Variants in SPATA6 observed in about 807,000 individuals in gnomAD.
SPATA6 encodes spermatogenesis-associated protein 6.
In SPATA6, 56 loss-of-function variants were observed where a neutral mutation model predicts 65.3. The observed-to-expected ratio is 0.86, with a 90% CI of 0.69 to 1.07. The LOEUF (loss-of-function observed/expected upper bound fraction) is 1.07. SPATA6 is among the 50% of genes least tolerant of loss of function. SPATA6 has a pLI of 0.00. For synonymous variants in SPATA6, 199 were observed against 213.2 expected (o/e 0.93, Z 0.58); for missense variants, 590 against 594.8 (o/e 0.99, Z 0.08).
At chr1:48,453,822 G>A in intron 1 of SPATA6, among the ~76,000 whole-genome samples, 1 of 150,652 alleles carries the variant, frequency 6.6e-6, no homozygotes. Context: ...TGGAGAAAAA[G>A]TAGAAAAGAA....
chr1:48,388,270 CTGCA>C (rs1649696531), intron 8 of SPATA6, among the ~76,000 whole-genome samples: 1 of 152,112 alleles, frequency 6.6e-6, no homozygotes, highest in African/African-American at 2.4e-5. Flanking sequence ...GACTACACCA[CTGCA>C]TGCACCCAGA....
intron 3 of SPATA6, among the ~76,000 whole-genome samples, chr1:48,440,034 C>T (rs1367172180): frequency 6.6e-6 from 1 of 152,204 alleles, no homozygotes; most frequent in South Asian, 2.1e-4. Context: ...TTACATCCCA[C>T]AAGAGGACCT....
intron 9 of SPATA6, among the ~76,000 whole-genome samples, chr1:48,364,394 T>A (rs986153979): frequency 2.0e-5 from 3 of 152,236 alleles, no homozygotes; most frequent in Non-Finnish European, 4.4e-5. Context: ...TCCACAATGG[T>A]TGAACTAGTT....
At chr1:48,377,504 T>TA (rs1648055723) in intron 9 of SPATA6, among the ~76,000 whole-genome samples, 1 of 152,146 alleles carries the variant, frequency 6.6e-6, no homozygotes, top group Non-Finnish European at 1.5e-5. Flanking sequence ...ATCCTCAAAA[T>TA]ACCTTTTCCA....
At chr1:48,370,098 C>T (rs1214995217) in intron 9 of SPATA6, among the ~76,000 whole-genome samples, 14 of 152,094 alleles carry the variant, frequency 9.2e-5, no homozygotes, top group Admixed American at 9.2e-4. Flanking sequence ...TTTACAAAAA[C>T]CTCAAGGTCA....
At chr1:48,440,044 T>C (rs2148103061) in intron 3 of SPATA6, among the ~76,000 whole-genome samples, 1 of 152,244 alleles carries the variant, frequency 6.6e-6, no homozygotes. Flanking sequence ...CAAGAGGACC[T>C]CTCAGCTTAC....
At chr1:48,299,860 T>A (rs1557522306) in intron 12 of SPATA6, among the ~76,000 whole-genome samples, 1 of 152,156 alleles carries the variant, frequency 6.6e-6, no homozygotes, top group African/African-American at 2.4e-5. Flanking sequence ...ACGTGTGTGC[T>A]CTAAGACCCT....
At chr1:48,277,714 G>A in the SPATA6 span, among the ~76,000 whole-genome samples, 2 of 152,216 alleles carry the variant, frequency 1.3e-5, no homozygotes, top group East Asian at 1.9e-4. Flanking sequence ...AGCTCAAGGA[G>A]GCCTGCCTGC....
At chr1:48,366,031 T>A (rs187790419) in intron 9 of SPATA6, among the ~76,000 whole-genome samples, 4 of 152,362 alleles carry the variant, frequency 2.6e-5, no homozygotes, top group East Asian at 1.9e-4. Flanking sequence ...CAAAGTCTTT[T>A]TCTGCATCTA....
intron 11 of SPATA6, among the ~76,000 whole-genome samples, chr1:48,320,503 G>A (rs1241116452): frequency 6.6e-6 from 1 of 152,218 alleles, no homozygotes; most frequent in African/African-American, 2.4e-5. Context: ...TTGTAGAATA[G>A]TATATCTGGC....
intron 3 of SPATA6, among the ~76,000 whole-genome samples, chr1:48,442,015 A>C (rs1050800585): frequency 1.2e-4 from 18 of 152,206 alleles, no homozygotes; most frequent in African/African-American, 4.1e-4. Flanking sequence ...CCAATCGAGC[A>C]TGACTGCCAA....
At chr1:48,436,218 A>C in intron 3 of SPATA6, 1 of 1,613,180 alleles carries the variant, frequency 6.2e-7, no homozygotes. Flanking sequence ...CCACGGGAAC[A>C]CTGGTAACTA....
chr1:48,285,126 C>A, the SPATA6 span, among the ~76,000 whole-genome samples: 1 of 152,250 alleles, frequency 6.6e-6, no homozygotes. Flanking sequence ...AGATGCCATG[C>A]CAAGAGAGGA....
chr1:48,377,808 A>C (rs1648095357), intron 9 of SPATA6, among the ~76,000 whole-genome samples: 1 of 152,224 alleles, frequency 6.6e-6, no homozygotes, highest in African/African-American at 2.4e-5. Context: ...CTGGCTGCCC[A>C]CAATTCAGCT....
intron 3 of SPATA6, among the ~76,000 whole-genome samples, chr1:48,420,360 T>C (rs1653208249): frequency 6.6e-6 from 1 of 152,190 alleles, no homozygotes; most frequent in African/African-American, 2.4e-5. Context: ...TAAGCTGCTC[T>C]AGCAAATTAG....
chr1:48,435,803 C>G (rs1570569355), intron 3 of SPATA6, among the ~76,000 whole-genome samples: 1 of 152,306 alleles, frequency 6.6e-6, no homozygotes, highest in East Asian at 1.9e-4. Context: ...GCGAGCAGGG[C>G]TCTGGCGCCC....
At chr1:48,338,861 T>A (rs773463831) in intron 11 of SPATA6, among the ~76,000 whole-genome samples, 3 of 151,978 alleles carry the variant, frequency 2.0e-5, no homozygotes, top group Non-Finnish European at 4.4e-5. Context: ...TTAATAACAT[T>A]TGAGAGTTGA....
At chr1:48,302,730 G>A (rs144012675) in intron 12 of SPATA6, among the ~76,000 whole-genome samples, 39 of 152,228 alleles carry the variant, frequency 2.6e-4, no homozygotes, top group Non-Finnish European at 4.7e-4. Flanking sequence ...TCATGCATAT[G>A]TACAGCCTTA....
intron 3 of SPATA6, among the ~76,000 whole-genome samples, chr1:48,442,047 G>A (rs766271218): frequency 1.3e-4 from 20 of 152,276 alleles, no homozygotes; most frequent in African/African-American, 4.3e-4. Flanking sequence ...CCAGACTTAC[G>A]CTGCCCAAGA....
Sources: allele counts gnomAD v4.1 joint callset (sites outside exome capture counted in the v4.1 genomes callset), GRCh38; gene constraint gnomAD v4.1.1; transcripts MANE v1.5; gene names NCBI Gene and HGNC (gene_info 2026-07-23, HGNC 2026-07-21).